DNMT3A: variants seen among roughly 807,000 people sequenced by gnomAD.
DNMT3A encodes the protein DNA (cytosine-5)-methyltransferase 3A.
In DNMT3A, 267 loss-of-function variants were observed where a neutral mutation model predicts 117.6. The ratio of observed to expected loss-of-function variants is 2.27; its 90% CI spans 2.05 to 2.51. The LOEUF (loss-of-function observed/expected upper bound fraction) is 2.51, where lower values mean the gene tolerates loss of function less well. DNMT3A is among the 30% of genes most tolerant of loss of function. The pLI is 0.00. For synonymous variants in DNMT3A, 432 were observed against 474.8 expected, an observed-to-expected ratio of 0.91 and a Z score of 1.17; for missense variants, 1,029 against 1,260.2, an observed-to-expected ratio of 0.82 and a Z score of 2.78.
chr2:25,233,473 T>G lies in DNMT3A; in HGVS notation c.*806A>C. The G allele has an allele frequency of 4.3e-6, 1 of 233,594 alleles. No homozygotes were observed. The highest frequency in any genetic ancestry group is 8.5e-6 in the Non-Finnish European group (1 of 117,962). The allele number at this position is 233,594 out of a possible 1,614,324, so 14.5% of individuals were successfully genotyped here. A position where few individuals can be genotyped will look rare whatever the true frequency, so the allele number is the denominator to read the frequency against. Reference sequence around the variant, plus strand: ...GTACCTTTTATATATATATCTCATATCTATCATATATATATAAACTGTAAA... The same window carrying G: ...GTACCTTTTATATATATATCTCATAGCTATCATATATATATAAACTGTAAA... On this transcript the variant is annotated 3_prime_UTR_variant, in exon 23 of 23. Coordinates refer to ENST00000321117, the MANE Select transcript of DNMT3A (RefSeq NM_022552.5).
chr2:25,250,190 A>G (rs1156717553), intron 6 of DNMT3A, among the ~76,000 whole-genome samples: 2 of 152,210 alleles, frequency 1.3e-5, no homozygotes, highest in Non-Finnish European at 2.9e-5. Flanking sequence ...CCCAGATCCA[A>G]GGGTCCCAGG....
intron 4 of DNMT3A, among the ~76,000 whole-genome samples, chr2:25,279,405 TTA>T (rs923864503): frequency 3.3e-5 from 5 of 152,210 alleles, no homozygotes; most frequent in African/African-American, 1.2e-4. Flanking sequence ...CTCCGGGGCC[TTA>T]GTCTCCTTCC....
Position 25,240,717 on chromosome 2 carries a change from C to A in DNMT3A, c.2096G>T (p.Gly699Val), listed in dbSNP as rs761064473. The A allele has an allele frequency of 1.9e-6, 3 of 1,613,980 alleles. No homozygotes were observed. The highest frequency in any genetic ancestry group is 1.1e-5 in the South Asian group (1 of 91,092). ...SVTQKHIQEW[G>V]PFDLVIGGSP... ...GCCCCCAATCACCAGATCGAATGGGCCCCACTCCTGGATCTGGGAGGATAA... is the reference window on the plus strand; with the variant it reads ...GCCCCCAATCACCAGATCGAATGGGACCCACTCCTGGATCTGGGAGGATAA... Residue 699 changes from glycine to valine, a missense_variant, in exon 18 of 23, where the codon GGC (glycine) becomes GTC (valine). Physicochemically the swap from Gly to Val is moderately radical, Grantham distance 109. Transcript: ENST00000321117.
At chr2:25,255,525 C>G (rs1676033089) in intron 6 of DNMT3A, among the ~76,000 whole-genome samples, 1 of 152,206 alleles carries the variant, frequency 6.6e-6, no homozygotes. Context: ...AGAGAGTGAC[C>G]TGAGAATGAG....
intron 6 of DNMT3A, among the ~76,000 whole-genome samples, chr2:25,270,890 G>A (rs899441181): frequency 6.6e-6 from 1 of 152,008 alleles, no homozygotes; most frequent in Non-Finnish European, 1.5e-5. Flanking sequence ...CGGGTGTGGT[G>A]GTGCACGCCT....
In DNMT3A at chr2:25,296,652, C is replaced by T. The variant is rs997187413; in HGVS notation, c.177+3487G>A. Among the ~76,000 whole-genome samples the T allele has an allele frequency of 1.3e-5, 2 of 152,190 alleles. No homozygotes were observed. Among genetic ancestry groups the T allele is most frequent in the Non-Finnish European group, 2.9e-5 (2 of 68,042 alleles). ...TGCTCAGGAAGTGGAAAGTGTTTGTCGTGAAGGGAGCACACTGGCCTGGGC... is the reference window on the plus strand; with the variant it reads ...TGCTCAGGAAGTGGAAAGTGTTTGTTGTGAAGGGAGCACACTGGCCTGGGC... On this transcript the variant is annotated intron_variant, in intron 3 of 22. Transcript: ENST00000321117. The surrounding 1 kb of genome is among the most constrained non-coding windows in gnomAD (Gnocchi z 4.2).
At chr2:25,276,940 A>AG (rs1491175400) in intron 4 of DNMT3A, among the ~76,000 whole-genome samples, 3 of 152,188 alleles carry the variant, frequency 2.0e-5, no homozygotes, top group Non-Finnish European at 1.5e-5. Flanking sequence ...CCCTCGTGAC[A>AG]GGGGGGTCCT....
intron 19 of DNMT3A, among the ~76,000 whole-genome samples, chr2:25,240,016 C>T (rs1673790143): frequency 6.6e-6 from 1 of 152,212 alleles, no homozygotes; most frequent in African/African-American, 2.4e-5. Context: ...GAATACCCAA[C>T]CCCAGGAGTC....
chr2:25,248,492 A>G (rs1675132731), intron 6 of DNMT3A, among the ~76,000 whole-genome samples: 1 of 152,076 alleles, frequency 6.6e-6, no homozygotes, highest in Non-Finnish European at 1.5e-5. Context: ...CCCAGATCTA[A>G]TCTTCCTCAA....
intron 1 of DNMT3A, among the ~76,000 whole-genome samples, chr2:25,319,256 C>T (rs1221119644): frequency 3.3e-5 from 5 of 151,614 alleles, no homozygotes; most frequent in Admixed American, 6.6e-5. Context: ...CCTGGTGATC[C>T]GCCCGCCTTA....
At chr2:25,328,546 C>A in intron 1 of DNMT3A, 1 of 439,266 alleles carries the variant, frequency 2.3e-6, no homozygotes, top group Non-Finnish European at 4.9e-6. Flanking sequence ...CTCAAAGAGA[C>A]GAGGTCAGAG....
intron 6 of DNMT3A, among the ~76,000 whole-genome samples, chr2:25,269,874 G>A (rs890282516): frequency 6.6e-6 from 1 of 152,104 alleles, no homozygotes; most frequent in African/African-American, 2.4e-5. Context: ...ATTCTGAGTC[G>A]TCTTAAATCT....
At chr2:25,241,420 G>T (rs1351776842) in intron 17 of DNMT3A, 142 bp downstream of exon 17, 3 of 1,185,992 alleles carry the variant, frequency 2.5e-6, no homozygotes, top group Non-Finnish European at 3.5e-6. Context: ...AGGACAAATG[G>T]AAGATAAGGA....
At chr2:25,301,476 C>G (rs564686423) in intron 2 of DNMT3A, among the ~76,000 whole-genome samples, 1 of 152,150 alleles carries the variant, frequency 6.6e-6, no homozygotes, top group Non-Finnish European at 1.5e-5. Flanking sequence ...CCATCTCTTG[C>G]ATTCACCGAG....
At chr2:25,261,997 C>T (rs763076214) in intron 6 of DNMT3A, among the ~76,000 whole-genome samples, 22 of 152,080 alleles carry the variant, frequency 1.4e-4, no homozygotes, top group Middle Eastern at 3.4e-3. Context: ...CCATCCTGGC[C>T]AACATGGTGA....
intron 11 of DNMT3A, 44 bp downstream of exon 11, chr2:25,246,116 T>G (rs2149299220): frequency 6.2e-7 from 1 of 1,614,190 alleles, no homozygotes; most frequent in Non-Finnish European, 8.5e-7. Context: ...GCTCCTCGGA[T>G]GCAGGCCTCC....
In DNMT3A at chr2:25,247,836, A is replaced by C; in HGVS notation, c.856-87T>G. ...CCCCATGGCAACCCCAGCCCTGGGC[A>C]TCTGGGGGGCAGGACAGCCAGGAGG... On this transcript the variant is annotated intron_variant, in intron 7 of 22. Transcript: ENST00000321117. This position sits in a 1 kb window ranked among gnomAD's most constrained non-coding sequence, Gnocchi z 5.6. 1 of 1,562,788 alleles carries C rather than the reference A, an allele frequency of 6.4e-7. No individual in the cohort carries two copies. Among genetic ancestry groups the C allele is most frequent in the Non-Finnish European group, 8.6e-7 (1 of 1,158,260 alleles).
chr2:25,296,985 C>G lies in DNMT3A; in HGVS notation c.177+3154G>C, dbSNP rs961399022. On this transcript the variant is annotated intron_variant, in intron 3 of 22. Coordinates refer to ENST00000321117, the MANE Select transcript of DNMT3A (RefSeq NM_022552.5). This position sits in a 1 kb window ranked among gnomAD's most constrained non-coding sequence, Gnocchi z 4.2. ...AGCCAAGCTCCTTCCCCAGGCTTAGCTGGATGACACACTCAGCTGCTTTAA... is the reference window on the plus strand; with the variant it reads ...AGCCAAGCTCCTTCCCCAGGCTTAGGTGGATGACACACTCAGCTGCTTTAA... 6.6e-6 allele frequency among the ~76,000 whole-genome samples: 1 copy of G among 152,184 alleles called. No individual in the cohort carries two copies. Among genetic ancestry groups the G allele is most frequent in the African/African-American group, 2.4e-5 (1 of 41,440 alleles).
chr2:25,300,668 TTTAG>T lies in DNMT3A; in HGVS notation c.73-429_73-426del, dbSNP rs1330879409. On this transcript the variant is annotated intron_variant, in intron 2 of 22. Coordinates refer to ENST00000321117, the MANE Select transcript of DNMT3A (RefSeq NM_022552.5). ...ATTTAGATATCTAAATAATATATTA[TTTAG>T]ATATATATTTAGATATATATTTATA... Among the ~76,000 whole-genome samples, 463 of 68,216 alleles carry T rather than the reference TTTAG, an allele frequency of 6.8e-3. 31 individuals are homozygous for T. The highest frequency in any genetic ancestry group is 0.011 in the Non-Finnish European group (381 of 36,066). 44.8% of individuals were successfully genotyped at this position (68,216 alleles called of 152,430 possible).
Sources: gnomAD v4.1 joint callset for allele counts (sites outside exome capture counted in the v4.1 genomes callset) on GRCh38, gnomAD v4.1.1 for gene constraint, Gnocchi (gnomAD v3.1) non-coding constraint, MANE v1.5 for transcripts, NCBI Gene and HGNC (gene_info 2026-07-23, HGNC 2026-07-21) for gene names.